The following CSF3R variants were observed in gnomAD, a reference collection of about 807,000 sequenced individuals.
CSF3R encodes the protein colony stimulating factor 3 receptor, also known as granulocyte colony-stimulating factor receptor.
A neutral mutation model predicts 84.4 loss-of-function variants in CSF3R; 52 were observed. The observed-to-expected ratio is 0.62, with a 90% CI of 0.49 to 0.78. CSF3R has a LOEUF of 0.78. Ranked by LOEUF, CSF3R falls within the 30% of genes least tolerant of loss-of-function variation. CSF3R has a pLI of 0.00. For synonymous variants in CSF3R, 384 were observed against 429.1 expected, an observed-to-expected ratio of 0.89 and a Z score of 1.30; for missense variants, 890 against 1,055.7, an observed-to-expected ratio of 0.84 and a Z score of 2.17.
intron 10 of CSF3R, among the ~76,000 whole-genome samples, chr1:36,470,333 C>A (rs545542422): frequency 9.2e-5 from 14 of 152,038 alleles, no homozygotes; most frequent in African/African-American, 2.9e-4. Flanking sequence ...TACAGGCAAC[C>A]GCCACCATGC....
intron 10 of CSF3R, among the ~76,000 whole-genome samples, chr1:36,470,289 A>G (rs898586018): frequency 5.3e-5 from 8 of 152,116 alleles, no homozygotes; most frequent in African/African-American, 1.4e-4. Context: ...GGCTCAAGTG[A>G]TTCTCCTGCC....
chr1:36,470,449 T>G (rs956892122), intron 10 of CSF3R, among the ~76,000 whole-genome samples: 1 of 152,164 alleles, frequency 6.6e-6, no homozygotes. Flanking sequence ...CCTCCCAAAG[T>G]GCTGGGATTA....
intron 11 of CSF3R, among the ~76,000 whole-genome samples, 196 bp downstream of exon 11, chr1:36,469,456 G>A (rs562065195): frequency 1.3e-5 from 2 of 152,278 alleles, no homozygotes; most frequent in South Asian, 2.1e-4. Context: ...CAGAGTCAGG[G>A]CTATAGAAAA....
rs750654998 is a variant in CSF3R at position 36,469,701 on chromosome 1, C to G, written c.1425G>C (p.Lys475Asn). 1 of 1,614,218 alleles carries G rather than the reference C, an allele frequency of 6.2e-7. No individual in the cohort carries two copies. The highest frequency in any genetic ancestry group is 1.1e-5 in the South Asian group (1 of 91,086). ...TCCCATTCTGTTCCATCCTCCAGGTCTTGTTGCTATTGCTCGCGCTGGGGG... is the reference window on the plus strand; with the variant it reads ...TCCCATTCTGTTCCATCCTCCAGGTGTTGTTGCTATTGCTCGCGCTGGGGG... ...LGPPSASNSNKTWRMEQNGRA... is the reference protein window; with the variant it reads ...LGPPSASNSNNTWRMEQNGRA... The change falls in exon 11 of 17, where the codon AAG becomes AAC. Residue 475 changes from lysine to asparagine, a missense_variant. Lys to Asn is a moderately conservative substitution (Grantham distance 94). Coordinates refer to ENST00000373106, the MANE Select transcript of CSF3R (RefSeq NM_000760.4).
rs761357670 is a variant in CSF3R, at chr1:36,466,810, G to A, written c.2058C>T (p.Pro686=). The part of the protein sequence containing the change: ...TIMEEDAFQL[P]GLGTPPITKL... ...TGGTGATGGGTGGCGTGCCAAGGCC[G>A]GGCAGCTGGAAGGCATCCTGCACAC... is the stretch of plus-strand genomic sequence containing the variant. Residue 686 remains proline (P), a synonymous_variant, in exon 17 of 17, where the codon CCC becomes CCT. Coordinates refer to ENST00000373106, the MANE Select transcript of CSF3R (RefSeq NM_000760.4). This position sits in a 1 kb window ranked among gnomAD's most constrained non-coding sequence, Gnocchi z 4.6. 3.7e-6 allele frequency: 6 copies of A among 1,614,074 alleles called. No individual in the cohort carries two copies. Among genetic ancestry groups the A allele is most frequent in the African/African-American group, 1.3e-5 (1 of 74,936 alleles).
At chr1:36,474,303 AAATGACTCACTCTACATG>A (rs1650978201) in intron 4 of CSF3R, among the ~76,000 whole-genome samples, 2 of 152,210 alleles carry the variant, frequency 1.3e-5, no homozygotes, top group South Asian at 4.1e-4. Context: ...CACAAGGGCT[AAATGACTCACTCTACATG>A]AAGTGCTCAG....
chr1:36,476,150 A>G (rs3917950), intron 3 of CSF3R: 29,025 of 157,068 alleles, frequency 0.18, 2,979 homozygotes, highest in East Asian at 0.32. Context: ...TCACAATTCA[A>G]ATCTGATTCT....
At chr1:36,469,505 G>T in intron 11 of CSF3R, 147 bp downstream of exon 11, 2 of 1,013,868 alleles carry the variant, frequency 2.0e-6, no homozygotes, top group Non-Finnish European at 3.0e-6. Context: ...TCCTGATTAT[G>T]AGGATATGAA....
At chr1:36,479,665 G>T (rs763426051) in intron 2 of CSF3R, 149 bp from the exon 3 acceptor site, 1 of 699,828 alleles carries the variant, frequency 1.4e-6, no homozygotes, top group Non-Finnish European at 2.6e-6. Context: ...AGCCTATACT[G>T]CATGGGACTT....
At chr1:36,479,064 GCTT>G (rs1241509296) in intron 3 of CSF3R, 1 of 360,176 alleles carries the variant, frequency 2.8e-6, no homozygotes, top group African/African-American at 2.1e-5. Flanking sequence ...CTCTGCCTGG[GCTT>G]CTTTATTTCA....
intron 1 of CSF3R, among the ~76,000 whole-genome samples, chr1:36,482,314 G>C (rs997085893): frequency 6.6e-6 from 1 of 151,502 alleles, no homozygotes; most frequent in Admixed American, 6.6e-5. Context: ...GCGGGGGGGG[G>C]GCACTCGGAG....
Position 36,466,598 on chromosome 1 carries a change from C to T in CSF3R, c.2270G>A (p.Gly757Asp), listed in dbSNP as rs889373428. 6.2e-7 allele frequency: 1 copy of T among 1,612,986 alleles called. No individual in the cohort carries two copies. Among genetic ancestry groups the T allele is most frequent in the Non-Finnish European group, 8.5e-7 (1 of 1,179,276 alleles). The part of the protein sequence containing the change: ...SDQVLYGQLL[G>D]SPTSPGPGHY... Reference sequence around the variant, plus strand: ...CCCTGGCCCTGGGCTTGTGGGGCTGCCCAGCAGCTGCCCATAAAGGACCTG... The same window carrying T: ...CCCTGGCCCTGGGCTTGTGGGGCTGTCCAGCAGCTGCCCATAAAGGACCTG... Residue 757 changes from glycine (G) to aspartate (D), a missense_variant, in exon 17 of 17, where the codon GGC becomes GAC. Transcript: ENST00000373106. This position sits in a 1 kb window ranked among gnomAD's most constrained non-coding sequence, Gnocchi z 4.6.
rs756719784 is a variant in CSF3R at position 36,468,185 on chromosome 1, A to G, written c.1613T>C (p.Ile538Thr). The G allele has an allele frequency of 8.7e-6, 14 of 1,609,342 alleles. No homozygotes were observed. In the African/African-American group the frequency reaches 1.2e-4, roughly 14 times the overall value. Residue 538 changes from isoleucine (I) to threonine (T), a missense_variant, in exon 13 of 17, where the codon ATT (isoleucine) becomes ACT (threonine). Physicochemically the swap from Ile to Thr is moderately conservative, Grantham distance 89. Transcript: ENST00000373106. The stretch of plus-strand genomic sequence containing the variant: ...CTCCAGCTGTGCCCAGGTCTTGCCA[A>G]TGTGCTTTAGATGCAGCTCTGGGGC... ...SHAPELHLKH[I>T]GKTWAQLEWV...
In CSF3R at chr1:36,466,732, A is replaced by G. The variant is rs1040573678; in HGVS notation, c.2136T>C (p.His712=). The change falls in exon 17 of 17, where the codon CAT becomes CAC. Residue 712 remains histidine (H), a synonymous_variant. Coordinates refer to ENST00000373106, the MANE Select transcript of CSF3R (RefSeq NM_000760.4). This position sits in a 1 kb window ranked among gnomAD's most constrained non-coding sequence, Gnocchi z 4.6. ...DEKKPVPWES[H]NSSETCGLPT... is the part of the protein sequence containing the mutation. ...GGAGGCCACAGGTCTCTGAGCTGTT[A>G]TGGGACTCCCAGGGCACCGGCTTCT... 3 of 1,614,164 alleles carry G rather than the reference A, an allele frequency of 1.9e-6. No individual in the cohort carries two copies. The highest frequency in any genetic ancestry group is 3.3e-4 in the Middle Eastern group (2 of 6,062).
chr1:36,471,894 A>G, intron 9 of CSF3R, 172 bp downstream of exon 9: 2 of 730,650 alleles, frequency 2.7e-6, no homozygotes, highest in East Asian at 2.7e-5. Flanking sequence ...CGTGCGTTAC[A>G]GTCTGTCCAA....
chr1:36,469,978 C>A, intron 10 of CSF3R, 138 bp from the exon 11 acceptor site: 1 of 864,956 alleles, frequency 1.2e-6, no homozygotes, highest in South Asian at 1.4e-5. Flanking sequence ...GCCTCAGTTT[C>A]CTCATCTGTA....
At chr1:36,480,666 C>G (rs1163458794) in intron 2 of CSF3R, among the ~76,000 whole-genome samples, 1 of 152,222 alleles carries the variant, frequency 6.6e-6, no homozygotes, top group Non-Finnish European at 1.5e-5. Context: ...GGTGTCCCAG[C>G]AGATCCCTCG....
intron 11 of CSF3R, 117 bp downstream of exon 11, chr1:36,469,535 A>C: frequency 7.9e-7 from 1 of 1,262,376 alleles, no homozygotes; most frequent in South Asian, 1.2e-5. Flanking sequence ...ACGAAGGATC[A>C]AGAAAGGCTG....
rs1650908969 is a variant in CSF3R at position 36,473,435 on chromosome 1, C to A, written c.673G>T (p.Val225Leu). Reference sequence around the variant, plus strand: ...CCCCTCCCTCCCCTGCATCACCCACCAACATCCATGGGATCAAGACACAGT... The same window carrying A: ...CCCCTCCCTCCCCTGCATCACCCACAAACATCCATGGGATCAAGACACAGT... ...PQLCLDPMDV[V>L]KLEPPMLRTM... The change falls in exon 6 of 17, where the codon GTG (valine) becomes TTG (leucine). Residue 225 changes from valine (V) to leucine (L), a missense_variant and splice_region_variant. By Grantham distance (32) the Val-to-Leu change is conservative. Coordinates refer to ENST00000373106, the MANE Select transcript of CSF3R (RefSeq NM_000760.4). The A allele has an allele frequency of 6.2e-7, 1 of 1,613,586 alleles. No homozygotes were observed. Among genetic ancestry groups the A allele is most frequent in the Admixed American group, 1.7e-5 (1 of 60,014 alleles).
Sources: gnomAD v4.1 joint callset for allele counts (sites outside exome capture counted in the v4.1 genomes callset) on GRCh38, gnomAD v4.1.1 for gene constraint, Gnocchi (gnomAD v3.1) non-coding constraint, MANE v1.5 for transcripts, NCBI Gene and HGNC (gene_info 2026-07-23, HGNC 2026-07-21) for gene names.